Variants in IQGAP2 observed in about 807,000 individuals in gnomAD.
IQGAP2 encodes the protein IQ motif containing GTPase activating protein 2.
In IQGAP2, 173 loss-of-function variants were observed where a neutral mutation model predicts 201.3. The ratio of observed to expected loss-of-function variants is 0.86; its 90% CI spans 0.76 to 0.98. IQGAP2 has a LOEUF of 0.98. IQGAP2 is among the 50% of genes least tolerant of loss of function. The pLI is 0.00. For synonymous variants in IQGAP2, 675 were observed against 673.9 expected, an observed-to-expected ratio of 1.00 and a Z score of -0.03; for missense variants, 1,687 against 1,864.8, an observed-to-expected ratio of 0.90 and a Z score of 1.76.
At chr5:76,626,068 T>C (rs139365327) in intron 13 of IQGAP2, among the ~76,000 whole-genome samples, 95 of 152,276 alleles carry the variant, frequency 6.2e-4, no homozygotes, top group Middle Eastern at 3.4e-3. Flanking sequence ...TTACCTATAA[T>C]AGGAATAATG....
intron 10 of IQGAP2, among the ~76,000 whole-genome samples, chr5:76,597,914 G>A (rs1233694110): frequency 1.3e-5 from 2 of 152,158 alleles, no homozygotes; most frequent in Admixed American, 1.3e-4. Context: ...CTATACCGAT[G>A]TGGTATTTTT....
At chr5:76,705,269 C>T (rs1409140882) in intron 35 of IQGAP2, among the ~76,000 whole-genome samples, 2 of 152,152 alleles carry the variant, frequency 1.3e-5, no homozygotes, top group East Asian at 3.9e-4. Flanking sequence ...GAGTAGCTTA[C>T]AAAGGGTTTG....
chr5:76,630,709 A>G (rs1240076787), intron 14 of IQGAP2, among the ~76,000 whole-genome samples: 1 of 19,078 alleles, frequency 5.2e-5, no homozygotes, highest in East Asian at 7.7e-4. Flanking sequence ...CTCAATTGCC[A>G]GTACTCTTAT....
At chr5:76,633,278 A>G (rs2909890) in intron 15 of IQGAP2, among the ~76,000 whole-genome samples, 86,384 of 151,440 alleles carry the variant, frequency 0.57, 24,663 homozygotes, top group South Asian at 0.63. Flanking sequence ...AGCTGAGATC[A>G]TATTGAATCT....
chr5:76,435,351 G>A (rs1350370755), intron 1 of IQGAP2, among the ~76,000 whole-genome samples: 1 of 152,028 alleles, frequency 6.6e-6, no homozygotes, highest in African/African-American at 2.4e-5. Context: ...TTAAGTCTTT[G>A]AGCCATCTTG....
chr5:76,557,261 G>A (rs544903900), intron 2 of IQGAP2, among the ~76,000 whole-genome samples: 77 of 152,288 alleles, frequency 5.1e-4, no homozygotes, highest in African/African-American at 1.7e-3. Flanking sequence ...CTGAGCTTTG[G>A]AAAACCTCAG....
intron 2 of IQGAP2, among the ~76,000 whole-genome samples, chr5:76,548,308 G>A (rs537572390): frequency 3.9e-5 from 6 of 152,288 alleles, no homozygotes; most frequent in South Asian, 2.1e-4. Context: ...AGACACTTCC[G>A]AAAGTGACCA....
intron 21 of IQGAP2, among the ~76,000 whole-genome samples, chr5:76,662,170 A>G (rs1302637231): frequency 6.6e-6 from 1 of 152,158 alleles, no homozygotes; most frequent in Non-Finnish European, 1.5e-5. Context: ...TCACAGGGAG[A>G]AGGAAGAGGG....
intron 2 of IQGAP2, among the ~76,000 whole-genome samples, chr5:76,465,738 C>T (rs118153733): frequency 2.0e-5 from 3 of 152,114 alleles, no homozygotes; most frequent in East Asian, 1.9e-4. Context: ...TTTCTTGACA[C>T]GAGCAATAAG....
intron 2 of IQGAP2, among the ~76,000 whole-genome samples, chr5:76,488,745 T>C (rs1486066471): frequency 1.3e-5 from 2 of 152,340 alleles, no homozygotes; most frequent in East Asian, 1.9e-4. Flanking sequence ...TTCCCTGTAA[T>C]GGCCGGACTA....
chr5:76,578,698 C>T (rs2150286880), intron 5 of IQGAP2, among the ~76,000 whole-genome samples: 1 of 152,122 alleles, frequency 6.6e-6, no homozygotes, highest in East Asian at 1.9e-4. Flanking sequence ...ATTGGAAAAT[C>T]CAGGAAGAAT....
chr5:76,557,006 A>C (rs1460299573), intron 2 of IQGAP2, among the ~76,000 whole-genome samples: 1 of 152,168 alleles, frequency 6.6e-6, no homozygotes, highest in Non-Finnish European at 1.5e-5. Flanking sequence ...CCAGGAATCT[A>C]CTCAACCCTG....
chr5:76,497,489 A>G (rs1004023790), intron 2 of IQGAP2, among the ~76,000 whole-genome samples: 1 of 152,206 alleles, frequency 6.6e-6, no homozygotes, highest in African/African-American at 2.4e-5. Flanking sequence ...GAAGATAACC[A>G]TTGCTTTGTT....
chr5:76,452,929 G>A (rs1204682973), intron 1 of IQGAP2, among the ~76,000 whole-genome samples: 1 of 23,838 alleles, frequency 4.2e-5, no homozygotes, highest in Admixed American at 4.2e-4. Flanking sequence ...TTTTTTTTTT[G>A]AGATGGAGTC....
intron 2 of IQGAP2, among the ~76,000 whole-genome samples, chr5:76,462,668 T>C (rs903629415): frequency 6.6e-6 from 1 of 152,198 alleles, no homozygotes; most frequent in Admixed American, 6.5e-5. Flanking sequence ...TCACTGGTGT[T>C]AATTATCTCT....
chr5:76,503,364 G>C (rs555493468), intron 2 of IQGAP2, among the ~76,000 whole-genome samples: 1 of 151,322 alleles, frequency 6.6e-6, no homozygotes, highest in East Asian at 2.0e-4. Context: ...TAGTAGAGAT[G>C]GGGTTTCACC....
At chr5:76,647,177 A>G (rs1752112237) in intron 17 of IQGAP2, among the ~76,000 whole-genome samples, 1 of 152,204 alleles carries the variant, frequency 6.6e-6, no homozygotes, top group South Asian at 2.1e-4. Context: ...AAATACAACT[A>G]AAAGCCTCCA....
chr5:76,567,513 G>A (rs1322907815), intron 3 of IQGAP2, among the ~76,000 whole-genome samples: 1 of 152,166 alleles, frequency 6.6e-6, no homozygotes, highest in Non-Finnish European at 1.5e-5. Flanking sequence ...AGGGCACTTG[G>A]CATGGTGCCT....
At chr5:76,667,658 A>T (rs1187376697) in intron 22 of IQGAP2, among the ~76,000 whole-genome samples, 1 of 152,006 alleles carries the variant, frequency 6.6e-6, no homozygotes, top group Non-Finnish European at 1.5e-5. Flanking sequence ...GTCTTCTGGC[A>T]CTTCCCTTAT....
Sources: gnomAD v4.1 joint callset for allele counts (sites outside exome capture counted in the v4.1 genomes callset) on GRCh38, gnomAD v4.1.1 for gene constraint, MANE v1.5 for transcripts, NCBI Gene and HGNC (gene_info 2026-07-23, HGNC 2026-07-21) for gene names.